STS: variants seen among roughly 807,000 people sequenced by gnomAD.
STS encodes the protein steroid sulfatase, also known as steryl-sulfatase.
A neutral mutation model predicts 26.8 loss-of-function variants in STS; 7 were observed. The ratio of observed to expected loss-of-function variants is 0.26; its 90% confidence interval spans 0.15 to 0.49. The LOEUF (loss-of-function observed/expected upper bound fraction) is 0.49. STS is among the 20% of genes least tolerant of loss of function. The pLI is 0.98. For missense variants in STS, 434 were observed against 465.6 expected (o/e 0.93, Z 0.63); for synonymous variants, 199 against 189.4 (o/e 1.05, Z -0.42).
At chrX:7,203,731 C>G (rs1476435005) in intron 2 of STS, among the ~76,000 whole-genome samples, 1 of 110,666 alleles carries the variant, frequency 9.0e-6, no homozygotes. Flanking sequence ...ATGTGTATGC[C>G]TTTCTATACA....
intron 4 of STS, 45 bp from the exon 5 acceptor site, chrX:7,257,421 C>T (rs1923473989): frequency 8.3e-7 from 1 of 1,210,784 alleles, no homozygotes; most frequent in African/African-American, 1.7e-5. Flanking sequence ...TCTCCCACCT[C>T]GAGGTATCTC....
chrX:7,269,387 C>G (rs1386628179), intron 6 of STS, among the ~76,000 whole-genome samples: 1 of 105,578 alleles, frequency 9.5e-6, no homozygotes, highest in African/African-American at 3.5e-5. Context: ...GTGAATAGCT[C>G]GAAAGCCTAC....
chrX:7,211,242 T>C (rs1569190617), intron 2 of STS, among the ~76,000 whole-genome samples: 1 of 111,869 alleles, frequency 8.9e-6, no homozygotes, highest in Non-Finnish European at 1.9e-5. Flanking sequence ...TATCTTCTCT[T>C]TGGGCTCAGG....
At chrX:7,291,307 G>A (rs1318679417) in intron 7 of STS, among the ~76,000 whole-genome samples, 6 of 111,581 alleles carry the variant, frequency 5.4e-5, no homozygotes, top group Non-Finnish European at 9.4e-5. Flanking sequence ...TGCAGCGCCC[G>A]TGGTTTGGGG....
At chrX:7,255,263 G>T (rs904630655) in intron 3 of STS, among the ~76,000 whole-genome samples, 1 of 112,023 alleles carries the variant, frequency 8.9e-6, no homozygotes, top group Admixed American at 9.4e-5. Context: ...TCTTAAAATT[G>T]TAATTATCTT....
intron 8 of STS, among the ~76,000 whole-genome samples, chrX:7,319,000 G>T (rs1926841408): frequency 8.9e-6 from 1 of 111,748 alleles, no homozygotes; most frequent in Non-Finnish European, 1.9e-5. Context: ...TTTCAAAGTG[G>T]TTATACATCA....
intron 8 of STS, among the ~76,000 whole-genome samples, chrX:7,314,274 T>C (rs912597130): frequency 1.2e-4 from 13 of 111,339 alleles, no homozygotes; most frequent in African/African-American, 4.2e-4. Flanking sequence ...GGAGGATCAG[T>C]GGAGCCTGGG....
At position 7,307,718 on chromosome X, in the gene STS, A is replaced by G. The variant is rs147131767; in HGVS notation, c.1081+2535A>G. Among the ~76,000 whole-genome samples the G allele has an allele frequency of 1.3e-4, 15 of 111,765 alleles. No homozygotes were observed. The East Asian group carries it at 3.7e-3, about 27-fold the overall frequency. On this transcript the variant is annotated intron_variant, in intron 8 of 10. Coordinates refer to ENST00000674429, the MANE Select transcript of STS (RefSeq NM_001320752.2). ...TTTGGGGTCAGCAAAAACAAACATG[A>G]TATCTGGCCTGTGGGCGTGGCTTCC...
At chrX:7,340,039 A>AT (rs1216125402) in intron 10 of STS, among the ~76,000 whole-genome samples, 1 of 102,573 alleles carries the variant, frequency 9.7e-6, no homozygotes, top group Non-Finnish European at 2.0e-5. Flanking sequence ...TCAAAATTGA[A>AT]TTTTCTTTCT....
At chrX:7,278,723 A>G (rs1259955574) in intron 7 of STS, among the ~76,000 whole-genome samples, 6 of 111,375 alleles carry the variant, frequency 5.4e-5, no homozygotes, top group Admixed American at 9.6e-5. Context: ...AGGAGATACA[A>G]TTCTGCTCTG....
intron 2 of STS, among the ~76,000 whole-genome samples, chrX:7,202,285 G>T (rs1430176118): frequency 9.0e-6 from 1 of 111,295 alleles, no homozygotes; most frequent in Admixed American, 9.6e-5. Context: ...GAGTATCTTT[G>T]TTATTGACTC....
At chrX:7,229,445 G>C (rs1440338971) in intron 2 of STS, among the ~76,000 whole-genome samples, 3 of 111,649 alleles carry the variant, frequency 2.7e-5, no homozygotes, top group South Asian at 3.8e-4. Flanking sequence ...TTTGTTTTCT[G>C]TCTTGCCCTG....
intron 6 of STS, among the ~76,000 whole-genome samples, chrX:7,274,668 A>ATAAC (rs1169018488): frequency 8.9e-6 from 1 of 112,262 alleles, no homozygotes; most frequent in Non-Finnish European, 1.9e-5. Context: ...ACAGTGACTT[A>ATAAC]TAACTCTTGA....
chrX:7,204,948 C>T (rs1175526955), intron 2 of STS, among the ~76,000 whole-genome samples: 2 of 110,007 alleles, frequency 1.8e-5, no homozygotes, highest in Non-Finnish European at 3.8e-5. Context: ...ATATCCTTCT[C>T]CACTCTGAGA....
intron 2 of STS, among the ~76,000 whole-genome samples, chrX:7,204,774 C>A (rs1029101467): frequency 9.6e-6 from 1 of 104,089 alleles, no homozygotes; most frequent in East Asian, 3.0e-4. Flanking sequence ...CCTCCTTTCT[C>A]CCTCTTTCCT....
At chrX:7,230,878 G>A (rs1187453960) in intron 2 of STS, among the ~76,000 whole-genome samples, 1 of 111,766 alleles carries the variant, frequency 8.9e-6, no homozygotes. Context: ...AAGGAACAAA[G>A]TACTTTTGGT....
intron 1 of STS, among the ~76,000 whole-genome samples, chrX:7,157,081 C>T: frequency 8.9e-6 from 1 of 111,871 alleles, no homozygotes; most frequent in East Asian, 2.8e-4. Flanking sequence ...GTGGATGATG[C>T]AATAGGGAGA....
chrX:7,324,298 G>T (rs576830861), intron 8 of STS, among the ~76,000 whole-genome samples: 10 of 110,725 alleles, frequency 9.0e-5, no homozygotes, highest in South Asian at 3.9e-4. Context: ...TAAGGGGGTT[G>T]TGGAGGCCAA....
chrX:7,303,746 T>A (rs140605770), intron 7 of STS, among the ~76,000 whole-genome samples: 2 of 111,931 alleles, frequency 1.8e-5, no homozygotes, highest in South Asian at 7.5e-4. Flanking sequence ...GTCTTCTGAT[T>A]TGAGAGCTGA....
Sources: allele counts gnomAD v4.1 joint callset (sites outside exome capture counted in the v4.1 genomes callset), GRCh38; gene constraint gnomAD v4.1.1; transcripts MANE v1.5; gene names NCBI Gene and HGNC (gene_info 2026-07-23, HGNC 2026-07-21).